Variants in GPR39 observed in about 807,000 individuals in gnomAD.
The protein encoded by GPR39 is G protein-coupled receptor 39, also known as zinc sensing receptor.
In GPR39, 23 loss-of-function variants were observed where a neutral mutation model predicts 18.4. The observed-to-expected ratio is 1.25, with a 90% CI of 0.90 to 1.77. GPR39 has a LOEUF of 1.77. Ranked by LOEUF, GPR39 falls within the 40% of genes most tolerant of loss-of-function variation. The pLI is 0.00. For synonymous variants in GPR39, 280 were observed against 257.9 expected (o/e 1.09, Z -0.82); for missense variants, 647 against 602.4 (o/e 1.07, Z -0.78).
intron 1 of GPR39, among the ~76,000 whole-genome samples, chr2:132,625,104 T>G (rs978199652): frequency 6.6e-6 from 1 of 152,022 alleles, no homozygotes; most frequent in African/African-American, 2.4e-5. Context: ...TACATGGCTT[T>G]TTTACTTCTA....
intron 1 of GPR39, among the ~76,000 whole-genome samples, chr2:132,422,631 G>GTCACTT (rs1333614198): frequency 6.6e-6 from 1 of 151,960 alleles, no homozygotes; most frequent in African/African-American, 2.4e-5. Flanking sequence ...GACTTTTTTA[G>GTCACTT]TGTAAGATAT....
intron 1 of GPR39, among the ~76,000 whole-genome samples, chr2:132,431,564 A>G (rs1680224423): frequency 2.0e-5 from 3 of 152,202 alleles, no homozygotes; most frequent in Admixed American, 1.3e-4. Context: ...CTGCAAATTG[A>G]GAGGCCAGGA....
At chr2:132,527,210 G>A (rs951917112) in intron 1 of GPR39, among the ~76,000 whole-genome samples, 3 of 152,152 alleles carry the variant, frequency 2.0e-5, no homozygotes, top group Admixed American at 6.5e-5. Flanking sequence ...CTATTCCTGT[G>A]TTAGTTTGCT....
rs192758868 is a variant in GPR39 at position 132,567,262 on chromosome 2, C to T, written c.857-77839C>T. Among the ~76,000 whole-genome samples, 40 of 152,126 alleles carry T rather than the reference C, an allele frequency of 2.6e-4. No homozygotes were observed. In the East Asian group the frequency reaches 7.0e-3, roughly 27 times the overall value. ...GCTTGAACCCGGGAGGTGGAGGTTG[C>T]GGTGAGCCGAGATTGCACCACTGCA... On this transcript the variant is annotated intron_variant, in intron 1 of 1. Transcript: ENST00000329321.
chr2:132,438,601 AT>A (rs1432426108), intron 1 of GPR39, among the ~76,000 whole-genome samples: 2 of 62,312 alleles, frequency 3.2e-5, no homozygotes, highest in East Asian at 7.4e-4. Context: ...TTTTTTTTAC[AT>A]TTTTTTGAGT....
rs1459393580 is a variant in GPR39, at chr2:132,487,083, G to C, written c.856+69185G>C. On this transcript the variant is annotated intron_variant, in intron 1 of 1. Transcript: ENST00000329321. The stretch of plus-strand genomic sequence containing the variant: ...GTCTCAGGGAATACGGAGGCCTGAG[G>C]ATAGGGAGAGAGATGGGGGAATGGC... Among the ~76,000 whole-genome samples, 5 of 152,114 alleles carry C rather than the reference G, an allele frequency of 3.3e-5. No homozygotes were observed. The East Asian group carries it at 9.7e-4, about 29-fold the overall frequency.
intron 1 of GPR39, among the ~76,000 whole-genome samples, chr2:132,545,480 T>C (rs1037159691): frequency 1.3e-5 from 2 of 152,286 alleles, no homozygotes; most frequent in Admixed American, 1.3e-4. Context: ...ATTTAGTCAT[T>C]CTAGTCTTCA....
At chr2:132,485,798 G>A (rs1681326225) in intron 1 of GPR39, among the ~76,000 whole-genome samples, 1 of 152,034 alleles carries the variant, frequency 6.6e-6, no homozygotes, top group African/African-American at 2.4e-5. Context: ...AAAGTCATCC[G>A]TGAACGTTGG....
chr2:132,477,091 T>G (rs913770439), intron 1 of GPR39, among the ~76,000 whole-genome samples: 2 of 152,226 alleles, frequency 1.3e-5, no homozygotes, highest in Non-Finnish European at 2.9e-5. Context: ...ATCCCATCTG[T>G]TTTTACATGG....
At chr2:132,422,713 T>G (rs1159009033) in intron 1 of GPR39, among the ~76,000 whole-genome samples, 2 of 152,078 alleles carry the variant, frequency 1.3e-5, no homozygotes, top group African/African-American at 4.8e-5. Flanking sequence ...ATTACCCTAT[T>G]TGTGATAGCT....
chr2:132,497,356 T>C (rs1315046003), intron 1 of GPR39, among the ~76,000 whole-genome samples: 1 of 152,142 alleles, frequency 6.6e-6, no homozygotes, highest in East Asian at 1.9e-4. Context: ...ATTGGCCTGT[T>C]TGTAGGGCCC....
At chr2:132,480,515 G>A (rs1193538990) in intron 1 of GPR39, among the ~76,000 whole-genome samples, 2 of 152,184 alleles carry the variant, frequency 1.3e-5, no homozygotes, top group African/African-American at 4.8e-5. Context: ...AATCAGTTTA[G>A]AGGCTGTTGC....
At chr2:132,561,921 A>G (rs1680261027) in intron 1 of GPR39, among the ~76,000 whole-genome samples, 1 of 152,154 alleles carries the variant, frequency 6.6e-6, no homozygotes, top group Non-Finnish European at 1.5e-5. Flanking sequence ...GACCAGGCCC[A>G]CCCACATTAG....
chr2:132,546,174 T>G (rs1015225072), intron 1 of GPR39, among the ~76,000 whole-genome samples: 1 of 152,204 alleles, frequency 6.6e-6, no homozygotes, highest in African/African-American at 2.4e-5. Context: ...TTCTCAAACT[T>G]GAGTGTGCCT....
At chr2:132,495,187 G>A (rs1681616724) in intron 1 of GPR39, among the ~76,000 whole-genome samples, 1 of 152,208 alleles carries the variant, frequency 6.6e-6, no homozygotes, top group South Asian at 2.1e-4. Flanking sequence ...ATGCTGGCAT[G>A]TTCTAGAAGG....
chr2:132,621,249 C>T (rs969174822), intron 1 of GPR39, among the ~76,000 whole-genome samples: 12 of 152,148 alleles, frequency 7.9e-5, no homozygotes, highest in East Asian at 1.9e-4. Context: ...GTGCTGAAAA[C>T]GGGTCCCTGA....
At chr2:132,515,369 T>C (rs1679314071) in intron 1 of GPR39, among the ~76,000 whole-genome samples, 1 of 152,210 alleles carries the variant, frequency 6.6e-6, no homozygotes, top group Admixed American at 6.5e-5. Flanking sequence ...TTTTCACCAC[T>C]GTATCCCCTG....
chr2:132,552,823 T>C (rs1680067743), intron 1 of GPR39, among the ~76,000 whole-genome samples: 1 of 110,952 alleles, frequency 9.0e-6, no homozygotes, highest in South Asian at 3.4e-4. Flanking sequence ...TGTGTGTATG[T>C]ATATATATAC....
chr2:132,586,191 G>A (rs2104827705), intron 1 of GPR39, among the ~76,000 whole-genome samples: 1 of 152,136 alleles, frequency 6.6e-6, no homozygotes, highest in East Asian at 1.9e-4. Flanking sequence ...CTCCTCCAAC[G>A]CTTAATAAGG....
Sources: gnomAD v4.1 joint callset for allele counts (sites outside exome capture counted in the v4.1 genomes callset) on GRCh38, gnomAD v4.1.1 for gene constraint, MANE v1.5 for transcripts, NCBI Gene and HGNC (gene_info 2026-07-23, HGNC 2026-07-21) for gene names.